Variants in ROBO2 observed in about 807,000 individuals in gnomAD.
ROBO2 encodes roundabout guidance receptor 2.
A neutral mutation model predicts 160.8 loss-of-function variants in ROBO2; 53 were observed. The ratio of observed to expected loss-of-function variants is 0.33; its 90% confidence interval spans 0.26 to 0.41. ROBO2 has a LOEUF of 0.41. ROBO2 is among the 10% of genes least tolerant of loss of function. The pLI is 1.00. For missense variants in ROBO2, 1,577 were observed against 1,722.4 expected, an observed-to-expected ratio of 0.92 and a Z score of 1.49; for synonymous variants, 664 against 611.7, an observed-to-expected ratio of 1.09 and a Z score of -1.26.
In ROBO2 at chr3:76,727,189, G is replaced by A. The variant is rs183605761; in HGVS notation, c.110-370825G>A. On this transcript the variant is annotated intron_variant, in intron 2 of 26. Coordinates refer to the ROBO2 transcript ENST00000487694. ...GATGAACATCTGTTTCTCTTTTCAT[G>A]ATGTTTTGGCTGCTAGACTCTAAGA... Among the ~76,000 whole-genome samples, 1,067 of 152,238 alleles carry A rather than the reference G, an allele frequency of 7.0e-3. 17 individuals carry two copies. Among genetic ancestry groups the A allele is most frequent in the Non-Finnish European group, 7.9e-3 (536 of 68,012 alleles).
chr3:76,641,190 C>T (rs113898486), intron 2 of ROBO2, among the ~76,000 whole-genome samples: 5 of 152,044 alleles, frequency 3.3e-5, no homozygotes, highest in Non-Finnish European at 5.9e-5. Context: ...TTTTGACATA[C>T]CACCCCAAGA....
intron 2 of ROBO2, among the ~76,000 whole-genome samples, chr3:76,295,663 A>AG (rs542460143): frequency 7.9e-5 from 12 of 152,198 alleles, no homozygotes; most frequent in South Asian, 2.1e-4. Context: ...TTGATAGAAA[A>AG]GGGGGGGATG....
rs142338765 is a variant in ROBO2, at chr3:77,072,683, A to G, written c.62-25331A>G. On this transcript the variant is annotated intron_variant, in intron 1 of 25. Transcript: ENST00000461745. Reference sequence around the variant, plus strand: ...ACACAATGGGATAGTAACCTCCTTCAGTCTCTGTTTTGTTTGCAAGTATAT... The same window carrying G: ...ACACAATGGGATAGTAACCTCCTTCGGTCTCTGTTTTGTTTGCAAGTATAT... Among the ~76,000 whole-genome samples, 48 of 152,284 alleles carry G rather than the reference A, an allele frequency of 3.2e-4. 1 individual carries two copies. The highest frequency in any genetic ancestry group is 1.1e-3 in the African/African-American group (47 of 41,552).
intron 2 of ROBO2, among the ~76,000 whole-genome samples, chr3:77,374,522 G>A (rs1176103594): frequency 3.3e-5 from 5 of 152,116 alleles, no homozygotes; most frequent in Non-Finnish European, 7.4e-5. Flanking sequence ...GTGTTAAATA[G>A]AAAATATTGC....
chr3:77,397,336 T>G (rs112976861), intron 2 of ROBO2, among the ~76,000 whole-genome samples: 2 of 152,276 alleles, frequency 1.3e-5, no homozygotes, highest in African/African-American at 4.8e-5. Context: ...GAATTCTCAT[T>G]GTAAACCCCT....
chr3:76,214,000 C>T (rs746527717), intron 2 of ROBO2, among the ~76,000 whole-genome samples: 40 of 151,992 alleles, frequency 2.6e-4, no homozygotes, highest in Non-Finnish European at 4.7e-4. Flanking sequence ...GAAATGTTAA[C>T]GTCTTCCAGA....
intron 2 of ROBO2, among the ~76,000 whole-genome samples, chr3:76,782,496 T>C (rs1331282253): frequency 6.6e-6 from 1 of 150,838 alleles, no homozygotes; most frequent in Non-Finnish European, 1.5e-5. Context: ...TTCCCTACGA[T>C]TATTTTATTG....
At chr3:76,648,706 A>G (rs545128632) in intron 2 of ROBO2, among the ~76,000 whole-genome samples, 13 of 152,246 alleles carry the variant, frequency 8.5e-5, no homozygotes, top group Middle Eastern at 3.4e-3. Context: ...GACGAAGGGT[A>G]TATGAGTATC....
chr3:76,440,036 G>A (rs2076852672), intron 2 of ROBO2, among the ~76,000 whole-genome samples: 1 of 152,102 alleles, frequency 6.6e-6, no homozygotes, highest in East Asian at 1.9e-4. Flanking sequence ...TTAAGAAGAA[G>A]TGGGAGCTTC....
intron 2 of ROBO2, among the ~76,000 whole-genome samples, chr3:76,608,193 T>A (rs1432122953): frequency 6.6e-6 from 1 of 152,222 alleles, no homozygotes. Flanking sequence ...ACACAGATGT[T>A]ATGTGCCCAG....
chr3:77,164,892 G>C lies in ROBO2; in HGVS notation c.388+66552G>C, dbSNP rs1305512347. Among the ~76,000 whole-genome samples the C allele has an allele frequency of 8.3e-3, 808 of 97,262 alleles. 56 individuals carry two copies. Among genetic ancestry groups the C allele is most frequent in the African/African-American group, 0.026 (720 of 28,204 alleles). The allele number at this position is 97,262 out of a possible 152,430, so 63.8% of individuals were successfully genotyped here. A position where few individuals can be genotyped will look rare whatever the true frequency, so the allele number is the denominator to read the frequency against. On this transcript the variant is annotated intron_variant, in intron 2 of 25. Coordinates refer to ENST00000461745, the Ensembl canonical transcript of ROBO2. ...ACCCCGTCCGGGAGGGAGGTGGGGG[G>C]GTCAGCCCCCCGCCCGGCCAGCCGC...
At chr3:76,778,254 G>A (rs999165404) in intron 2 of ROBO2, among the ~76,000 whole-genome samples, 17 of 151,130 alleles carry the variant, frequency 1.1e-4, no homozygotes, top group African/African-American at 4.1e-4. Flanking sequence ...AGTCATTAAT[G>A]CTATTTGCTG....
rs558042951 is a variant in ROBO2 at position 76,729,344 on chromosome 3, C to T, written c.110-368670C>T. ...TAATAAAAATCATACTAGAAATTGACTCTGAAAACAATGTGGGAATACTCT... is the reference window on the plus strand; with the variant it reads ...TAATAAAAATCATACTAGAAATTGATTCTGAAAACAATGTGGGAATACTCT... On this transcript the variant is annotated intron_variant, in intron 2 of 26. Coordinates refer to the ROBO2 transcript ENST00000487694. Among the ~76,000 whole-genome samples the T allele has an allele frequency of 4.6e-5, 7 of 152,026 alleles. No individual in the cohort carries two copies. The South Asian group carries it at 1.5e-3, about 32-fold the overall frequency.
intron 2 of ROBO2, among the ~76,000 whole-genome samples, chr3:76,582,679 G>C (rs1275872528): frequency 6.6e-6 from 1 of 152,040 alleles, no homozygotes. Context: ...GATATTTTAA[G>C]TCTTATATTT....
intron 2 of ROBO2, among the ~76,000 whole-genome samples, chr3:76,807,678 ACTG>A (rs1180775777): frequency 6.6e-6 from 1 of 152,096 alleles, no homozygotes; most frequent in African/African-American, 2.4e-5. Context: ...CAAGTTATAC[ACTG>A]TCAGTCCTCT....
intron 7 of ROBO2, among the ~76,000 whole-genome samples, chr3:77,549,013 A>G (rs1182863902): frequency 6.6e-6 from 1 of 151,984 alleles, no homozygotes; most frequent in African/African-American, 2.4e-5. Context: ...TTAATGGTCC[A>G]TATTTCTCAA....
intron 2 of ROBO2, among the ~76,000 whole-genome samples, chr3:76,261,792 T>A (rs567598227): frequency 6.6e-6 from 1 of 152,254 alleles, no homozygotes; most frequent in East Asian, 1.9e-4. Flanking sequence ...TATATTCTAT[T>A]TGAAATAGCA....
intron 2 of ROBO2, among the ~76,000 whole-genome samples, chr3:76,486,259 T>C (rs1466916882): frequency 6.6e-6 from 1 of 152,190 alleles, no homozygotes; most frequent in African/African-American, 2.4e-5. Flanking sequence ...TAGGTCTTCT[T>C]TCTGGAGAAG....
At chr3:77,381,627 C>A (rs2073482180) in intron 2 of ROBO2, among the ~76,000 whole-genome samples, 1 of 152,198 alleles carries the variant, frequency 6.6e-6, no homozygotes, top group Admixed American at 6.5e-5. Flanking sequence ...AGTACACACA[C>A]TACCCATGGT....
Sources: allele counts gnomAD v4.1 joint callset (sites outside exome capture counted in the v4.1 genomes callset), GRCh38; gene constraint gnomAD v4.1.1; transcripts MANE v1.5; gene names NCBI Gene and HGNC (gene_info 2026-07-23, HGNC 2026-07-21).